The following STPG2 variants were observed in gnomAD, a reference collection of about 807,000 sequenced individuals.
The protein encoded by STPG2 is sperm-tail PG-rich repeat-containing protein 2.
STPG2 carries 56 observed loss-of-function variants against 54.2 expected under a neutral mutation model. The observed-to-expected ratio is 1.03, with a 90% CI of 0.83 to 1.29. The LOEUF (loss-of-function observed/expected upper bound fraction) is 1.29. STPG2 is among the 50% of genes most tolerant of loss of function. The pLI, the probability that STPG2 is intolerant of heterozygous loss-of-function variation, is 0.00. For missense variants in STPG2, 596 were observed against 544.9 expected, an observed-to-expected ratio of 1.09 and a Z score of -0.93; for synonymous variants, 200 against 181.8, an observed-to-expected ratio of 1.10 and a Z score of -0.81.
chr4:97,953,588 C>T (rs781602073), intron 7 of STPG2, among the ~76,000 whole-genome samples: 1 of 152,220 alleles, frequency 6.6e-6, no homozygotes, highest in East Asian at 1.9e-4. Flanking sequence ...TTGGTTCACA[C>T]TGGAGACCAA....
intron 4 of STPG2, among the ~76,000 whole-genome samples, chr4:97,476,052 G>A (rs955906320): frequency 6.6e-6 from 1 of 152,100 alleles, no homozygotes; most frequent in African/African-American, 2.4e-5. Flanking sequence ...TGTATACCTA[G>A]TGCTAAAGAC....
chr4:98,010,109 G>C (rs1120708), intron 5 of STPG2, among the ~76,000 whole-genome samples: 59,525 of 150,846 alleles, frequency 0.39, 11,872 homozygotes, highest in Middle Eastern at 0.46. Context: ...TCATTTATTT[G>C]CCCTCTGATC....
At chr4:97,918,188 T>G (rs1013264369) in intron 8 of STPG2, among the ~76,000 whole-genome samples, 8 of 152,170 alleles carry the variant, frequency 5.3e-5, no homozygotes, top group African/African-American at 1.9e-4. Context: ...AACTCCTATA[T>G]TATACCTATC....
At position 97,506,918 on chromosome 4, in the gene STPG2, T is replaced by A. The variant is rs1730856217; in HGVS notation, c.462+205781A>T. Among the ~76,000 whole-genome samples the A allele has an allele frequency of 3.3e-5, 5 of 152,026 alleles. No individual in the cohort carries two copies. The South Asian group carries it at 1.0e-3, about 31-fold the overall frequency. On this transcript the variant is annotated intron_variant, in intron 4 of 4. Coordinates refer to the STPG2 transcript ENST00000522676. ...ATACAAAGGAGAATGTAAATACAAATATATCAGTAAATATATTGTCATAAT... is the reference window on the plus strand; with the variant it reads ...ATACAAAGGAGAATGTAAATACAAAAATATCAGTAAATATATTGTCATAAT...
chr4:98,098,034 T>C (rs902582665), intron 5 of STPG2, among the ~76,000 whole-genome samples: 1 of 152,126 alleles, frequency 6.6e-6, no homozygotes, highest in Non-Finnish European at 1.5e-5. Flanking sequence ...ACTGTTAAAA[T>C]GCCCATGATA....
chr4:97,463,132 C>T (rs974630035), intron 4 of STPG2, among the ~76,000 whole-genome samples: 3 of 151,846 alleles, frequency 2.0e-5, no homozygotes, highest in South Asian at 2.1e-4. Flanking sequence ...ATTTTTGTTA[C>T]CCTTGCTCTT....
At chr4:97,742,496 C>T (rs896452267) in intron 9 of STPG2, among the ~76,000 whole-genome samples, 2 of 148,420 alleles carry the variant, frequency 1.3e-5, no homozygotes, top group African/African-American at 5.0e-5. Flanking sequence ...ACCTAATTGT[C>T]CATCAATGGA....
chr4:97,625,206 T>G (rs1734109561), intron 10 of STPG2, among the ~76,000 whole-genome samples: 1 of 152,216 alleles, frequency 6.6e-6, no homozygotes, highest in Non-Finnish European at 1.5e-5. Context: ...AGCTTTATGT[T>G]TTTCAATACG....
chr4:97,532,746 C>T (rs1731441738), intron 4 of STPG2, among the ~76,000 whole-genome samples: 1 of 152,052 alleles, frequency 6.6e-6, no homozygotes, highest in African/African-American at 2.4e-5. Flanking sequence ...ATGTGCTTAT[C>T]CTACTAAAAC....
At chr4:98,072,469 G>A (rs1033341834) in intron 5 of STPG2, among the ~76,000 whole-genome samples, 11 of 152,118 alleles carry the variant, frequency 7.2e-5, no homozygotes, top group South Asian at 2.1e-4. Flanking sequence ...ATACCAAGGC[G>A]ATGGGTTGGT....
chr4:98,142,757 C>A (rs562271699), intron 1 of STPG2, among the ~76,000 whole-genome samples: 1 of 152,220 alleles, frequency 6.6e-6, no homozygotes, highest in African/African-American at 2.4e-5. Flanking sequence ...GCCAGGAAAT[C>A]AAAATCCTAG....
At chr4:97,627,385 T>C (rs1023968708) in intron 10 of STPG2, among the ~76,000 whole-genome samples, 1 of 152,136 alleles carries the variant, frequency 6.6e-6, no homozygotes, top group Admixed American at 6.5e-5. Context: ...AGTAAAGCAT[T>C]GGGTGTTACA....
intron 9 of STPG2, 92 bp downstream of exon 9, chr4:97,840,681 G>T: frequency 7.1e-7 from 1 of 1,404,614 alleles, no homozygotes. Flanking sequence ...TAACTTTTCA[G>T]TCTCCAAGAA....
intron 4 of STPG2, among the ~76,000 whole-genome samples, chr4:97,482,097 T>G (rs1410434149): frequency 6.6e-6 from 1 of 151,642 alleles, no homozygotes; most frequent in Non-Finnish European, 1.5e-5. Flanking sequence ...ATAATCATTT[T>G]TTTCTTTTTT....
intron 8 of STPG2, among the ~76,000 whole-genome samples, chr4:97,916,157 T>C (rs1432125750): frequency 6.6e-6 from 1 of 152,192 alleles, no homozygotes; most frequent in Non-Finnish European, 1.5e-5. Context: ...AGGTCCATGT[T>C]TGGACAATAA....
At chr4:98,018,472 A>G (rs965084778) in intron 5 of STPG2, among the ~76,000 whole-genome samples, 2 of 152,208 alleles carry the variant, frequency 1.3e-5, no homozygotes, top group African/African-American at 4.8e-5. Flanking sequence ...GTGCCACAAT[A>G]AACATACGTG....
At chr4:97,695,735 C>T (rs969299047) in intron 10 of STPG2, among the ~76,000 whole-genome samples, 2 of 151,086 alleles carry the variant, frequency 1.3e-5, no homozygotes, top group African/African-American at 4.9e-5. Flanking sequence ...AGGAACACAA[C>T]CCCTTTTAAA....
At chr4:98,132,965 A>G (rs1279961761) in intron 2 of STPG2, among the ~76,000 whole-genome samples, 1 of 128,496 alleles carries the variant, frequency 7.8e-6, no homozygotes. Flanking sequence ...AAAAAAAAAA[A>G]AAAAAAAGTT....
intron 8 of STPG2, among the ~76,000 whole-genome samples, chr4:97,932,933 G>A (rs1732606230): frequency 2.0e-5 from 3 of 152,164 alleles, no homozygotes; most frequent in African/African-American, 7.2e-5. Context: ...GATCATTAAG[G>A]AATCGCCACA....
Sources: allele counts gnomAD v4.1 joint callset (sites outside exome capture counted in the v4.1 genomes callset), GRCh38; gene constraint gnomAD v4.1.1; transcripts MANE v1.5; gene names NCBI Gene and HGNC (gene_info 2026-07-23, HGNC 2026-07-21).